THSD7B: variants seen among roughly 807,000 people sequenced by gnomAD.
The protein encoded by THSD7B is thrombospondin type-1 domain-containing protein 7B.
A neutral mutation model predicts 213.6 loss-of-function variants in THSD7B; 138 were observed. The ratio of observed to expected loss-of-function variants is 0.65; its 90% CI spans 0.56 to 0.74. The LOEUF is 0.74. THSD7B is among the 30% of genes least tolerant of loss of function. THSD7B has a pLI of 0.00. For synonymous variants in THSD7B, 742 were observed against 687.0 expected, an observed-to-expected ratio of 1.08 and a Z score of -1.25; for missense variants, 1,931 against 1,991.5, an observed-to-expected ratio of 0.97 and a Z score of 0.58.
intron 1 of THSD7B, among the ~76,000 whole-genome samples, chr2:136,837,874 G>A (rs538979896): frequency 1.3e-5 from 2 of 152,144 alleles, no homozygotes; most frequent in Non-Finnish European, 2.9e-5. Flanking sequence ...GAATGGAGGA[G>A]CATCTCATTT....
chr2:137,511,160 G>A (rs1679955168), intron 15 of THSD7B, among the ~76,000 whole-genome samples: 1 of 151,970 alleles, frequency 6.6e-6, no homozygotes, highest in South Asian at 2.1e-4. Flanking sequence ...AAGTTTATTT[G>A]TTTGATCTTT....
chr2:137,211,331 T>TACACACACACACACACAC (rs1224147467), intron 7 of THSD7B, among the ~76,000 whole-genome samples: 1 of 6,276 alleles, frequency 1.6e-4, no homozygotes, highest in African/African-American at 3.4e-4. Flanking sequence ...CTATCCTTCC[T>TACACACACACACACACAC]ACACACACAC....
intron 2 of THSD7B, among the ~76,000 whole-genome samples, chr2:136,943,193 T>C (rs1397712918): frequency 4.6e-5 from 7 of 152,300 alleles, no homozygotes; most frequent in East Asian, 1.9e-4. Context: ...TATTGATTTA[T>C]GTATGTTGAA....
chr2:137,435,248 G>A (rs982344807), intron 14 of THSD7B, among the ~76,000 whole-genome samples: 1 of 152,134 alleles, frequency 6.6e-6, no homozygotes, highest in Admixed American at 6.6e-5. Flanking sequence ...CCTGAGGATG[G>A]TTTGGGGAAA....
chr2:136,856,324 C>T (rs1683180603), intron 1 of THSD7B, among the ~76,000 whole-genome samples: 1 of 152,110 alleles, frequency 6.6e-6, no homozygotes, highest in African/African-American at 2.4e-5. Context: ...ATCTCAACCA[C>T]CTTTTTAACA....
chr2:137,558,421 A>G (rs1681032674), intron 15 of THSD7B, among the ~76,000 whole-genome samples: 2 of 152,212 alleles, frequency 1.3e-5, no homozygotes, highest in Admixed American at 1.3e-4. Flanking sequence ...ATGCAAATCA[A>G]TAAACATAAT....
chr2:137,085,457 A>G (rs901124832), intron 3 of THSD7B, among the ~76,000 whole-genome samples: 5 of 152,184 alleles, frequency 3.3e-5, no homozygotes, highest in African/African-American at 7.2e-5. Context: ...GTAAGATGAA[A>G]TATTGCAGTT....
chr2:136,925,025 G>A (rs946938514), intron 2 of THSD7B, among the ~76,000 whole-genome samples: 1 of 152,148 alleles, frequency 6.6e-6, no homozygotes, highest in African/African-American at 2.4e-5. Context: ...TTTGTATCCT[G>A]CAACTTTGTT....
chr2:137,616,655 T>C (rs913793321), intron 18 of THSD7B, among the ~76,000 whole-genome samples: 7 of 152,220 alleles, frequency 4.6e-5, no homozygotes, highest in Non-Finnish European at 7.3e-5. Flanking sequence ...AATGTAATCA[T>C]ACTGTGATAG....
intron 18 of THSD7B, among the ~76,000 whole-genome samples, chr2:137,617,242 T>C (rs890842347): frequency 6.6e-6 from 1 of 152,236 alleles, no homozygotes; most frequent in Non-Finnish European, 1.5e-5. Context: ...AGAGCATATC[T>C]TTGAAACACT....
intron 12 of THSD7B, among the ~76,000 whole-genome samples, chr2:137,390,098 T>A (rs990202955): frequency 3.9e-5 from 6 of 152,186 alleles, no homozygotes; most frequent in African/African-American, 1.4e-4. Context: ...ACGACATTGG[T>A]ATTTTGATAG....
intron 5 of THSD7B, among the ~76,000 whole-genome samples, chr2:137,134,442 T>C (rs1183885928): frequency 6.6e-6 from 1 of 152,196 alleles, no homozygotes; most frequent in African/African-American, 2.4e-5. Context: ...AGGGGTACTC[T>C]GTGCACAAGC....
At chr2:137,555,802 C>A (rs1680949413) in intron 15 of THSD7B, among the ~76,000 whole-genome samples, 1 of 152,044 alleles carries the variant, frequency 6.6e-6, no homozygotes, top group African/African-American at 2.4e-5. Flanking sequence ...TGAAAAAAGA[C>A]TAGACGAATG....
At chr2:136,977,661 C>G (rs1224644333) in intron 2 of THSD7B, among the ~76,000 whole-genome samples, 4 of 152,056 alleles carry the variant, frequency 2.6e-5, no homozygotes, top group African/African-American at 7.2e-5. Context: ...AGTTTGTTGT[C>G]TCTTTGTTCT....
chr2:137,109,478 A>G (rs566388056), intron 4 of THSD7B, among the ~76,000 whole-genome samples: 36 of 152,312 alleles, frequency 2.4e-4, no homozygotes, highest in African/African-American at 8.4e-4. Context: ...TAATGAAATA[A>G]TTATACAACT....
At chr2:137,459,134 C>G (rs1386544053) in intron 15 of THSD7B, among the ~76,000 whole-genome samples, 1 of 151,672 alleles carries the variant, frequency 6.6e-6, no homozygotes, top group African/African-American at 2.4e-5. Flanking sequence ...AAATTAAATC[C>G]AAACCGATGG....
At chr2:137,041,790 A>G (rs966315571) in intron 2 of THSD7B, among the ~76,000 whole-genome samples, 12 of 152,230 alleles carry the variant, frequency 7.9e-5, no homozygotes, top group African/African-American at 2.9e-4. Context: ...TGTGTTCTAA[A>G]ATTGGAAGCA....
At chr2:137,159,975 T>C (rs1679983448) in intron 5 of THSD7B, among the ~76,000 whole-genome samples, 1 of 152,246 alleles carries the variant, frequency 6.6e-6, no homozygotes, top group Non-Finnish European at 1.5e-5. Flanking sequence ...GTGAATACCC[T>C]GCAAAGCAGG....
chr2:137,207,753 T>G (rs1377245577), intron 7 of THSD7B, among the ~76,000 whole-genome samples: 1 of 152,046 alleles, frequency 6.6e-6, no homozygotes, highest in Non-Finnish European at 1.5e-5. Flanking sequence ...CTGAGTTTGG[T>G]GAGCTCCTAC....
Sources: allele counts gnomAD v4.1 joint callset (sites outside exome capture counted in the v4.1 genomes callset), GRCh38; gene constraint gnomAD v4.1.1; transcripts MANE v1.5; gene names NCBI Gene and HGNC (gene_info 2026-07-23, HGNC 2026-07-21).